Variants in LRRC8C observed in about 807,000 individuals in gnomAD.
LRRC8C encodes volume-regulated anion channel subunit LRRC8C.
In LRRC8C, 20 loss-of-function variants were observed where a neutral mutation model predicts 55.3. That is an observed-to-expected ratio of 0.36 (90% CI 0.25 to 0.53). The LOEUF (loss-of-function observed/expected upper bound fraction) is 0.53, where lower values mean the gene tolerates loss of function less well. LRRC8C is among the 20% of genes least tolerant of loss of function. The pLI, the probability that LRRC8C is intolerant of heterozygous loss-of-function variation, is 0.92. For synonymous variants in LRRC8C, 376 were observed against 360.7 expected (o/e 1.04, Z -0.48); for missense variants, 659 against 951.4 (o/e 0.69, Z 4.04).
At chr1:89,658,777 G>T (rs1657019191) in intron 1 of LRRC8C, among the ~76,000 whole-genome samples, 2 of 152,228 alleles carry the variant, frequency 1.3e-5, no homozygotes, top group South Asian at 4.1e-4. Flanking sequence ...ACAGGGAAAT[G>T]AACTACCTGT....
chr1:89,664,129 A>G (rs10922687), intron 1 of LRRC8C, among the ~76,000 whole-genome samples: 55,621 of 151,910 alleles, frequency 0.37, 10,218 homozygotes, highest in African/African-American at 0.42. Context: ...TTGCTGTGCA[A>G]AAGCTCTTTA....
At chr1:89,649,091 T>G (rs1323576297) in intron 1 of LRRC8C, among the ~76,000 whole-genome samples, 3 of 152,190 alleles carry the variant, frequency 2.0e-5, no homozygotes, top group Non-Finnish European at 4.4e-5. Flanking sequence ...GATATTCCCC[T>G]AGGAATAGAA....
chr1:89,653,556 G>A (rs1207148216), intron 1 of LRRC8C, among the ~76,000 whole-genome samples: 1 of 152,164 alleles, frequency 6.6e-6, no homozygotes, highest in African/African-American at 2.4e-5. Flanking sequence ...GTAAAGAGTA[G>A]ACTAACTGTA....
chr1:89,709,732 T>C (rs1047250767), intron 2 of LRRC8C, among the ~76,000 whole-genome samples: 1 of 146,972 alleles, frequency 6.8e-6, no homozygotes, highest in African/African-American at 2.5e-5. Flanking sequence ...GTTTTGTTTT[T>C]TGTGTGTGGT....
intron 1 of LRRC8C, among the ~76,000 whole-genome samples, chr1:89,675,614 C>G (rs1463360160): frequency 6.6e-6 from 1 of 152,164 alleles, no homozygotes; most frequent in African/African-American, 2.4e-5. Flanking sequence ...ACAGATTTCC[C>G]CAGTTGAATT....
chr1:89,692,799 A>G (rs1043408770), intron 2 of LRRC8C, among the ~76,000 whole-genome samples: 1 of 152,190 alleles, frequency 6.6e-6, no homozygotes, highest in Non-Finnish European at 1.5e-5. Flanking sequence ...GCTATAAACA[A>G]CACTATTCAA....
At chr1:89,692,631 A>T (rs563493273) in intron 2 of LRRC8C, among the ~76,000 whole-genome samples, 1 of 152,360 alleles carries the variant, frequency 6.6e-6, no homozygotes, top group Admixed American at 6.5e-5. Flanking sequence ...CCATGAAATA[A>T]GAGCATGTAT....
At chr1:89,691,325 T>C (rs930044057) in intron 2 of LRRC8C, among the ~76,000 whole-genome samples, 35 of 152,116 alleles carry the variant, frequency 2.3e-4, no homozygotes, top group African/African-American at 8.2e-4. Flanking sequence ...AACCAAAATA[T>C]ATATTTTAAT....
Position 89,688,391 on chromosome 1 carries a change from A to C in LRRC8C, c.138+1780A>C, listed in dbSNP as rs182788361. ...ATTCTATGGGAAAAATAAGCAAAAT[A>C]AGCAAAATCAATTAGTAAATATGTT... On this transcript the variant is annotated intron_variant, in intron 2 of 2. Coordinates refer to ENST00000370454, the MANE Select transcript of LRRC8C (RefSeq NM_032270.5). Among the ~76,000 whole-genome samples, 640 of 152,328 alleles carry C rather than the reference A, an allele frequency of 4.2e-3. 26 individuals carry two copies. Among genetic ancestry groups the C allele is most frequent in the Admixed American group, 0.04 (610 of 15,306 alleles).
chr1:89,691,963 T>C (rs113602316), intron 2 of LRRC8C, among the ~76,000 whole-genome samples: 2,555 of 152,314 alleles, frequency 0.017, 72 homozygotes, highest in African/African-American at 0.058. Context: ...TTGCACTCTA[T>C]AGTGAGCATT....
intron 1 of LRRC8C, among the ~76,000 whole-genome samples, chr1:89,643,187 A>G (rs541524367): frequency 2.0e-5 from 3 of 152,208 alleles, no homozygotes; most frequent in East Asian, 1.9e-4. Flanking sequence ...TACCTCTGAG[A>G]CTCAAGCCAT....
intron 2 of LRRC8C, among the ~76,000 whole-genome samples, chr1:89,712,188 C>A (rs747105732): frequency 6.6e-6 from 1 of 152,224 alleles, no homozygotes; most frequent in African/African-American, 2.4e-5. Context: ...TCTCGGCTCA[C>A]TGCAACCTCC....
chr1:89,695,015 G>A (rs969062961), intron 2 of LRRC8C, among the ~76,000 whole-genome samples: 2 of 150,410 alleles, frequency 1.3e-5, no homozygotes, highest in Non-Finnish European at 2.9e-5. Flanking sequence ...TCCACCTCCT[G>A]GGTTCAAGCA....
rs1658876585 is a variant in LRRC8C at position 89,718,151 on chromosome 1, A to C, written c.*3169A>C. 1 of 152,172 alleles carries C rather than the reference A, an allele frequency of 6.6e-6. No homozygotes were observed. Among genetic ancestry groups the C allele is most frequent in the Non-Finnish European group, 1.5e-5 (1 of 68,016 alleles). The allele number at this position is 152,172 out of a possible 1,614,324, so 9.4% of individuals were successfully genotyped here. ...CTTTTAATATAAAGATTCTTGATACAGTGAAATCTCTTATTTCAAGTGTAA... is the reference window on the plus strand; with the variant it reads ...CTTTTAATATAAAGATTCTTGATACCGTGAAATCTCTTATTTCAAGTGTAA... On this transcript the variant is annotated 3_prime_UTR_variant, in exon 3 of 3. Coordinates refer to ENST00000370454, the MANE Select transcript of LRRC8C (RefSeq NM_032270.5).
At position 89,703,543 on chromosome 1, in the gene LRRC8C, A is replaced by G. The variant is rs549108098; in HGVS notation, c.139-9166A>G. Among the ~76,000 whole-genome samples the G allele has an allele frequency of 2.1e-5, 3 of 143,954 alleles. No homozygotes were observed. The South Asian group carries it at 6.4e-4, about 31-fold the overall frequency. The allele number at this position is 143,954 out of a possible 152,430, so 94.4% of individuals were successfully genotyped here. A position where few individuals can be genotyped will look rare whatever the true frequency, so the allele number is the denominator to read the frequency against. ...TATAAACAAACACAATCAAGTACAG[A>G]TTGTAAAAAAAAAAAAAAAAGTTTC... On this transcript the variant is annotated intron_variant, in intron 2 of 2. Transcript: ENST00000370454.
intron 1 of LRRC8C, among the ~76,000 whole-genome samples, 160 bp downstream of exon 1, chr1:89,633,482 T>G (rs1475155022): frequency 6.6e-6 from 1 of 152,124 alleles, no homozygotes; most frequent in Non-Finnish European, 1.5e-5. Context: ...CCGCCCGGCG[T>G]GTGGTGCTGG....
chr1:89,716,572 T>C lies in LRRC8C; in HGVS notation c.*1590T>C, dbSNP rs540865467. 1.3e-5 allele frequency: 2 copies of C among 152,332 alleles called. No individual in the cohort carries two copies. Among genetic ancestry groups the C allele is most frequent in the South Asian group, 4.1e-4 (2 of 4,832 alleles). 9.4% of individuals were successfully genotyped at this position (152,332 alleles called of 1,614,324 possible). A position where few individuals can be genotyped will look rare whatever the true frequency, so the allele number is the denominator to read the frequency against. On this transcript the variant is annotated 3_prime_UTR_variant, in exon 3 of 3. Transcript: ENST00000370454. The stretch of plus-strand genomic sequence containing the variant: ...CTCTTGGGCAAAATATTTCACTGAC[T>C]ATTAAGCATGTAGAACAGGAAAATG...
At chr1:89,617,978 G>GAAGC in the LRRC8C span, among the ~76,000 whole-genome samples, 1 of 152,234 alleles carries the variant, frequency 6.6e-6, no homozygotes, top group East Asian at 1.9e-4. Flanking sequence ...ATAACTATAT[G>GAAGC]TTCACCAATC....
Position 89,659,152 on chromosome 1 carries a change from C to G in LRRC8C, c.-5+25830C>G, listed in dbSNP as rs1473281217. 1.4e-4 allele frequency among the ~76,000 whole-genome samples: 21 copies of G among 148,318 alleles called. No individual in the cohort carries two copies. In the Admixed American group the frequency reaches 1.4e-3, roughly 10 times the overall value. ...ATGTTACCCAGTCTGGTCTCAAACT[C>G]TGGGGCTCAAGCAGTCCTCCTGCTT... On this transcript the variant is annotated intron_variant, in intron 1 of 2. Coordinates refer to ENST00000370454, the MANE Select transcript of LRRC8C (RefSeq NM_032270.5).
Sources: allele counts gnomAD v4.1 joint callset (sites outside exome capture counted in the v4.1 genomes callset), GRCh38; gene constraint gnomAD v4.1.1; transcripts MANE v1.5; gene names NCBI Gene and HGNC (gene_info 2026-07-23, HGNC 2026-07-21).